Variants in TRIML2 observed in about 807,000 individuals in gnomAD.
The protein encoded by TRIML2 is tripartite motif family like 2, also known as probable E3 ubiquitin-protein ligase TRIML2.
TRIML2 carries 28 observed loss-of-function variants against 31.2 expected under a neutral mutation model. The ratio of observed to expected loss-of-function variants is 0.90; its 90% confidence interval spans 0.66 to 1.23. The LOEUF is 1.23. Among genes scored for constraint, TRIML2 ranks in the 50% most tolerant of loss-of-function variants. The pLI, the probability that TRIML2 is intolerant of heterozygous loss-of-function variation, is 0.00. For synonymous variants in TRIML2, 187 were observed against 197.5 expected (o/e 0.95, Z 0.45); for missense variants, 536 against 528.3 (o/e 1.01, Z -0.14).
chr4:188,103,916 A>G (rs1191824501), intron 3 of TRIML2, among the ~76,000 whole-genome samples: 2 of 152,112 alleles, frequency 1.3e-5, no homozygotes, highest in African/African-American at 2.4e-5. Context: ...CTCCTCCACT[A>G]TCTTCCCTAA....
chr4:188,092,748 G>A (rs905562694), intron 7 of TRIML2: 4 of 454,314 alleles, frequency 8.8e-6, no homozygotes, highest in African/African-American at 4.0e-5. Context: ...ATTTATCAGC[G>A]GAGGATGGAA....
Position 188,091,946 on chromosome 4 carries a change from C to T in TRIML2, c.746-5G>A, listed in dbSNP as rs1733282238. On this transcript the variant is annotated splice_region_variant and splice_polypyrimidine_tract_variant and intron_variant, in intron 7 of 7. Transcript: ENST00000682553. ...CAGGATCCAATGTTAAATGTCCTAT[C>T]AGGAGAGAAAACCCTCGTTAACCTA... 1.2e-6 allele frequency: 2 copies of T among 1,602,398 alleles called. No individual in the cohort carries two copies. Among genetic ancestry groups the T allele is most frequent in the Non-Finnish European group, 1.7e-6 (2 of 1,176,554 alleles).
chr4:188,104,913 A>C lies in TRIML2; in HGVS notation c.209T>G (p.Leu70Trp). ...TTCAAGTTTCTCCCTCGATGTGTTC[A>C]ATATTTCCTGGAATAACTTCTATAG... The part of the protein sequence containing the change: ...ENYRKLFQEI[L>W]NTSREKLEAA... Residue 70 changes from leucine (L) to tryptophan (W), a missense_variant, in exon 3 of 8, where the codon TTG becomes TGG. Coordinates refer to ENST00000682553, the MANE Select transcript of TRIML2 (RefSeq NM_173553.4). 2.5e-6 allele frequency: 4 copies of C among 1,613,886 alleles called. No individual in the cohort carries two copies. Among genetic ancestry groups the C allele is most frequent in the South Asian group, 1.1e-5 (1 of 91,078 alleles).
In TRIML2 at chr4:188,101,293, G is replaced by A. The variant is rs949014863; in HGVS notation, c.286-43C>T. 5 of 1,286,026 alleles carry A rather than the reference G, an allele frequency of 3.9e-6. No homozygotes were observed. In the South Asian group the frequency reaches 5.2e-5, roughly 13 times the overall value. The allele number at this position is 1,286,026 out of a possible 1,614,324, so 79.7% of individuals were successfully genotyped here. A position where few individuals can be genotyped will look rare whatever the true frequency, so the allele number is the denominator to read the frequency against. ...GATAGACTTCAGGTTAAACATGATAGATTAACAACACACACACACGTCATA... is the reference window on the plus strand; with the variant it reads ...GATAGACTTCAGGTTAAACATGATAAATTAACAACACACACACACGTCATA... On this transcript the variant is annotated intron_variant, in intron 3 of 7. Transcript: ENST00000682553.
intron 7 of TRIML2, chr4:188,092,787 G>A (rs529071248): frequency 1.3e-5 from 6 of 454,844 alleles, no homozygotes; most frequent in African/African-American, 8.0e-5. Flanking sequence ...AGAAACTCAC[G>A]CTGAGAACAC....
In TRIML2 at chr4:188,091,720, CG is replaced by C. The variant is rs769837093; in HGVS notation, c.966del (p.His322GlnfsTer24). 15 of 1,614,056 alleles carry C rather than the reference CG, an allele frequency of 9.3e-6. No homozygotes were observed. The highest frequency in any genetic ancestry group is 9.3e-6 in the Non-Finnish European group (11 of 1,179,956). On this transcript the variant is annotated frameshift_variant, in exon 8 of 8. Transcript: ENST00000682553. LOFTEE classifies it low-confidence loss of function (END_TRUNC). ...KATRWQVGIYHGSADAKGSTA... is the reference protein window; with the variant it reads ...KATRWQVGIYXGSADAKGSTA... ...GTGCTGCCCTTCGCGTCTGCAGAGC[CG>C]TGGTATATGCCCACTTGCCACCTGG...
chr4:188,093,778 T>C (rs1219970333), intron 7 of TRIML2, among the ~76,000 whole-genome samples: 2 of 151,796 alleles, frequency 1.3e-5, no homozygotes, highest in Non-Finnish European at 2.9e-5. Flanking sequence ...AAGGGGGACA[T>C]CCTCAATTTG....
intron 5 of TRIML2, chr4:188,098,298 G>A (rs193191151): frequency 9.8e-5 from 44 of 450,256 alleles, no homozygotes; most frequent in East Asian, 8.4e-4. Flanking sequence ...TTCAGTGTCC[G>A]GTGAGGGCTC....
chr4:188,094,355 T>C (rs1285398431), intron 7 of TRIML2, among the ~76,000 whole-genome samples: 2 of 152,186 alleles, frequency 1.3e-5, no homozygotes, highest in Non-Finnish European at 2.9e-5. Context: ...ATATACTGCA[T>C]GACTTTGTAG....
intron 7 of TRIML2, among the ~76,000 whole-genome samples, chr4:188,093,957 G>A (rs920298416): frequency 6.6e-6 from 1 of 151,926 alleles, no homozygotes; most frequent in Admixed American, 6.6e-5. Flanking sequence ...ACAAAAATTA[G>A]CTGAGTGTGG....
intron 3 of TRIML2, 133 bp downstream of exon 3, chr4:188,104,704 G>A: frequency 1.3e-6 from 1 of 747,606 alleles, no homozygotes. Flanking sequence ...TAAGATATTA[G>A]CACTTTTCCT....
At chr4:188,101,400 A>C in intron 3 of TRIML2, 150 bp from the exon 4 acceptor site, 4 of 464,368 alleles carry the variant, frequency 8.6e-6, no homozygotes, top group East Asian at 3.6e-5. Flanking sequence ...TAACCCCAAT[A>C]TAAAGACAAG....
At chr4:188,099,323 T>A in intron 4 of TRIML2, 148 bp from the exon 5 acceptor site, 1 of 1,057,626 alleles carries the variant, frequency 9.5e-7, no homozygotes, top group Non-Finnish European at 1.3e-6. Flanking sequence ...TCCCAGCACT[T>A]TGGGTGGCCA....
At chr4:188,099,737 T>G (rs1305453918) in intron 4 of TRIML2, among the ~76,000 whole-genome samples, 1 of 152,222 alleles carries the variant, frequency 6.6e-6, no homozygotes, top group Non-Finnish European at 1.5e-5. Context: ...CCAATACAGA[T>G]GTGTGTGCAC....
rs903875764 is a variant in TRIML2 at position 188,105,048 on chromosome 4, T to A, written c.190-116A>T. On this transcript the variant is annotated intron_variant, in intron 2 of 7. Transcript: ENST00000682553. ...TTTTCTTAGCCTTTAGGTTGAAGGT[T>A]CAACGAACTTATCTAATATTCTGTA... is the stretch of plus-strand genomic sequence containing the variant. 17 of 1,409,544 alleles carry A rather than the reference T, an allele frequency of 1.2e-5. No homozygotes were observed. The African/African-American group carries it at 2.1e-4, about 18-fold the overall frequency. 87.3% of individuals were successfully genotyped at this position (1,409,544 alleles called of 1,614,324 possible). A position where few individuals can be genotyped will look rare whatever the true frequency, so the allele number is the denominator to read the frequency against.
At chr4:188,101,658 C>T (rs2111178644) in intron 3 of TRIML2, among the ~76,000 whole-genome samples, 1 of 152,022 alleles carries the variant, frequency 6.6e-6, no homozygotes, top group East Asian at 2.0e-4. Context: ...TACGCCACTG[C>T]ACTCCAGCCT....
intron 1 of TRIML2, among the ~76,000 whole-genome samples, chr4:188,108,203 C>T (rs765388776): frequency 1.1e-4 from 16 of 152,118 alleles, no homozygotes; most frequent in Non-Finnish European, 1.9e-4. Flanking sequence ...GTCTCCCAGT[C>T]CTGGTCTCTC....
At chr4:188,102,808 C>T (rs547851910) in intron 3 of TRIML2, among the ~76,000 whole-genome samples, 14 of 146,362 alleles carry the variant, frequency 9.6e-5, no homozygotes, top group African/African-American at 3.5e-4. Flanking sequence ...GAGATCGCGT[C>T]ACTGAACTCT....
chr4:188,104,240 C>T (rs1036550037), intron 3 of TRIML2, among the ~76,000 whole-genome samples: 1 of 152,168 alleles, frequency 6.6e-6, no homozygotes, highest in Admixed American at 6.6e-5. Flanking sequence ...ATTTGTATTT[C>T]TCTTACCACG....
Sources: allele counts gnomAD v4.1 joint callset (sites outside exome capture counted in the v4.1 genomes callset), GRCh38; gene constraint gnomAD v4.1.1; transcripts MANE v1.5; gene names NCBI Gene and HGNC (gene_info 2026-07-23, HGNC 2026-07-21).